MACROD2: variants seen among roughly 807,000 people sequenced by gnomAD.
MACROD2 encodes the protein mono-ADP ribosylhydrolase 2.
Under a neutral mutation model 70.4 loss-of-function variants are expected in MACROD2, and 36 were observed. That is an observed-to-expected ratio of 0.51 (90% CI 0.39 to 0.68). The LOEUF (loss-of-function observed/expected upper bound fraction) is 0.68, where lower values mean the gene tolerates loss of function less well. Ranked by LOEUF, MACROD2 falls within the 30% of genes least tolerant of loss-of-function variation. The pLI, the probability that MACROD2 is intolerant of heterozygous loss-of-function variation, is 0.00. For synonymous variants in MACROD2, 172 were observed against 178.8 expected, an observed-to-expected ratio of 0.96 and a Z score of 0.30; for missense variants, 496 against 538.4, an observed-to-expected ratio of 0.92 and a Z score of 0.78.
intron 2 of MACROD2, among the ~76,000 whole-genome samples, chr20:14,058,639 C>T (rs1601170189): frequency 3.4e-5 from 5 of 145,232 alleles, no homozygotes; most frequent in Admixed American, 6.9e-5. Context: ...TTCTTTTTTC[C>T]TTTTACCTTT....
intron 3 of MACROD2, among the ~76,000 whole-genome samples, chr20:14,305,855 T>C (rs2082516351): frequency 6.6e-6 from 1 of 152,048 alleles, no homozygotes; most frequent in Non-Finnish European, 1.5e-5. Context: ...TTTTTTTTGT[T>C]TTGAATTCCT....
At chr20:15,205,041 T>C (rs1248963527) in intron 5 of MACROD2, among the ~76,000 whole-genome samples, 1 of 152,176 alleles carries the variant, frequency 6.6e-6, no homozygotes, top group Non-Finnish European at 1.5e-5. Flanking sequence ...CTAATAATAA[T>C]AGACACAAAT....
intron 5 of MACROD2, among the ~76,000 whole-genome samples, chr20:15,052,342 G>A (rs989501457): frequency 5.9e-5 from 9 of 152,118 alleles, no homozygotes; most frequent in African/African-American, 1.9e-4. Context: ...CAGATATTGT[G>A]TCTTTTTACA....
At chr20:14,506,335 C>T (rs2084969561) in intron 4 of MACROD2, among the ~76,000 whole-genome samples, 1 of 152,080 alleles carries the variant, frequency 6.6e-6, no homozygotes, top group African/African-American at 2.4e-5. Flanking sequence ...AATATAAAAG[C>T]CAGAGAAGAC....
At position 15,238,113 on chromosome 20, in the gene MACROD2, G is replaced by T. The variant is rs139979730; in HGVS notation, c.540+8052G>T. The stretch of plus-strand genomic sequence containing the variant: ...AGGGTTTGCTGAGCCTGATAGAATT[G>T]AGAGCATTGGTTTAAGTTAAACAGA... On this transcript the variant is annotated intron_variant, in intron 6 of 17. Coordinates refer to ENST00000684519, the MANE Select transcript of MACROD2 (RefSeq NM_001351661.2). 2.6e-5 allele frequency among the ~76,000 whole-genome samples: 4 copies of T among 152,306 alleles called. No homozygotes were observed. In the East Asian group the frequency reaches 5.8e-4, roughly 22 times the overall value.
chr20:15,317,523 ATCTG>A lies in MACROD2; in HGVS notation c.540+87466_540+87469del, dbSNP rs1555804056. ...TATCTATCTATCTATCTATCTATCT[ATCTG>A]TCTATCTATCTCTATCAAGATATTT... On this transcript the variant is annotated intron_variant, in intron 6 of 17. Transcript: ENST00000684519. Among the ~76,000 whole-genome samples, 150 of 149,398 alleles carry A rather than the reference ATCTG, an allele frequency of 1.0e-3. No individual in the cohort carries two copies. In the South Asian group the frequency reaches 0.013, roughly 13 times the overall value.
intron 8 of MACROD2, among the ~76,000 whole-genome samples, chr20:15,538,171 A>G (rs2047902503): frequency 1.3e-5 from 2 of 152,238 alleles, no homozygotes. Context: ...ACTTAAAAAA[A>G]CTACCTAAAC....
chr20:14,516,198 G>A (rs1297259889), intron 4 of MACROD2, among the ~76,000 whole-genome samples: 1 of 151,554 alleles, frequency 6.6e-6, no homozygotes, highest in Non-Finnish European at 1.5e-5. Context: ...GTCTTAAAAT[G>A]TTCTATTTAA....
intron 4 of MACROD2, among the ~76,000 whole-genome samples, chr20:14,571,551 A>G (rs6079497): frequency 0.029 from 4,422 of 152,220 alleles, 109 homozygotes; most frequent in Non-Finnish European, 0.037. Context: ...TTTCTGAAAT[A>G]TCATTTTGTC....
At chr20:15,275,830 C>G (rs2077386063) in intron 6 of MACROD2, among the ~76,000 whole-genome samples, 1 of 152,180 alleles carries the variant, frequency 6.6e-6, no homozygotes, top group Non-Finnish European at 1.5e-5. Context: ...CCATGTGTGG[C>G]TCCCAAATCT....
At chr20:14,911,578 T>G (rs1055411969) in intron 5 of MACROD2, among the ~76,000 whole-genome samples, 2 of 152,030 alleles carry the variant, frequency 1.3e-5, no homozygotes, top group Non-Finnish European at 2.9e-5. Context: ...AAGGTCTCAC[T>G]ATGATGCCCA....
chr20:14,355,223 G>A (rs560760641), intron 3 of MACROD2, among the ~76,000 whole-genome samples: 5 of 152,154 alleles, frequency 3.3e-5, no homozygotes, highest in Non-Finnish European at 5.9e-5. Flanking sequence ...TCCCAACAGT[G>A]CATATACAGG....
At chr20:14,761,040 T>G (rs533220542) in intron 5 of MACROD2, among the ~76,000 whole-genome samples, 4 of 152,100 alleles carry the variant, frequency 2.6e-5, no homozygotes, top group Non-Finnish European at 5.9e-5. Context: ...CTCTGAGACC[T>G]CCTCATCGCA....
intron 3 of MACROD2, among the ~76,000 whole-genome samples, chr20:14,429,935 G>T (rs2122924819): frequency 6.6e-6 from 1 of 152,236 alleles, no homozygotes; most frequent in South Asian, 2.1e-4. Context: ...CATTAATGCA[G>T]CCATTATTGC....
At chr20:15,676,027 A>C (rs547964430) in intron 8 of MACROD2, among the ~76,000 whole-genome samples, 1 of 152,236 alleles carries the variant, frequency 6.6e-6, no homozygotes, top group Admixed American at 6.5e-5. Context: ...TCTACTACAG[A>C]TGTTATACAA....
At chr20:14,553,376 AAAGGACCTGCCTG>A (rs1356738198) in intron 4 of MACROD2, among the ~76,000 whole-genome samples, 1 of 150,416 alleles carries the variant, frequency 6.6e-6, no homozygotes, top group Non-Finnish European at 1.5e-5. Context: ...AATACCTCCT[AAAGGACCTGCCTG>A]AGGCTGTTTT....
chr20:15,895,589 T>G (rs2064958628), intron 10 of MACROD2, among the ~76,000 whole-genome samples: 2 of 152,228 alleles, frequency 1.3e-5, no homozygotes, highest in South Asian at 4.1e-4. Context: ...CCAGAATCAC[T>G]GAAAGAGACA....
At chr20:15,471,910 C>G (rs1250418485) in intron 7 of MACROD2, among the ~76,000 whole-genome samples, 1 of 152,138 alleles carries the variant, frequency 6.6e-6, no homozygotes, top group Non-Finnish European at 1.5e-5. Context: ...TCACAGCAAA[C>G]AAATCTGTCC....
chr20:14,298,645 C>G (rs2082448377), intron 3 of MACROD2, among the ~76,000 whole-genome samples: 1 of 151,112 alleles, frequency 6.6e-6, no homozygotes, highest in Admixed American at 6.6e-5. Context: ...TGGATCTGAG[C>G]AAAGTCAATT....
Sources: allele counts gnomAD v4.1 joint callset (sites outside exome capture counted in the v4.1 genomes callset), GRCh38; gene constraint gnomAD v4.1.1; transcripts MANE v1.5; gene names NCBI Gene and HGNC (gene_info 2026-07-23, HGNC 2026-07-21).